The following RNF43 variants were observed in gnomAD, a reference collection of about 807,000 sequenced individuals.
RNF43 encodes ring finger protein 43, also known as E3 ubiquitin-protein ligase RNF43.
Under a neutral mutation model 78.4 loss-of-function variants are expected in RNF43, and 37 were observed. That is an observed-to-expected ratio of 0.47 (90% CI 0.36 to 0.62). RNF43 has a LOEUF of 0.62. Ranked by LOEUF, RNF43 falls within the 20% of genes least tolerant of loss-of-function variation. The pLI is 0.00. For synonymous variants in RNF43, 347 were observed against 395.0 expected (o/e 0.88, Z 1.44); for missense variants, 774 against 1,007.9 (o/e 0.77, Z 3.14).
intron 3 of RNF43, among the ~76,000 whole-genome samples, chr17:58,366,068 C>T (rs776080715): frequency 6.6e-6 from 1 of 152,202 alleles, no homozygotes; most frequent in Non-Finnish European, 1.5e-5. Flanking sequence ...GTGCCCAGGG[C>T]ACCAAGCCAT....
intron 2 of RNF43, among the ~76,000 whole-genome samples, chr17:58,383,741 C>T (rs1230513333): frequency 1.3e-5 from 2 of 152,228 alleles, no homozygotes; most frequent in Admixed American, 1.3e-4. Flanking sequence ...CCTCAGCCTC[C>T]TGAGTAGCTG....
At chr17:58,405,311 T>A (rs1456540565) in intron 2 of RNF43, among the ~76,000 whole-genome samples, 1 of 151,930 alleles carries the variant, frequency 6.6e-6, no homozygotes, top group Non-Finnish European at 1.5e-5. Flanking sequence ...TCTCCTGACC[T>A]CGTGATCCAC....
chr17:58,374,925 G>C (rs1408272408), intron 2 of RNF43, among the ~76,000 whole-genome samples: 1 of 152,090 alleles, frequency 6.6e-6, no homozygotes, highest in Non-Finnish European at 1.5e-5. Flanking sequence ...AGTGTTTGCT[G>C]TCTCTGGGAT....
At chr17:58,405,259 A>T (rs1458347704) in intron 2 of RNF43, among the ~76,000 whole-genome samples, 1 of 151,276 alleles carries the variant, frequency 6.6e-6, no homozygotes, top group Non-Finnish European at 1.5e-5. Context: ...TTGTATTTTT[A>T]GTAGAGACGG....
Position 58,354,024 on chromosome 17 carries a change from T to C in RNF43, c.*919A>G, listed in dbSNP as rs959064791. ...GGCTTATACTGGGGAGCTGGGCCTC[T>C]GGGCTGTCCAAACCCAAGGGTCACA... On this transcript the variant is annotated 3_prime_UTR_variant, in exon 10 of 10. Transcript: ENST00000407977. 2.6e-5 allele frequency: 5 copies of C among 190,362 alleles called. No homozygotes were observed. Among genetic ancestry groups the C allele is most frequent in the African/African-American group, 1.2e-4 (5 of 42,878 alleles). 11.8% of individuals were successfully genotyped at this position (190,362 alleles called of 1,614,324 possible). A position where few individuals can be genotyped will look rare whatever the true frequency, so the allele number is the denominator to read the frequency against.
chr17:58,370,763 T>A, intron 3 of RNF43, 148 bp downstream of exon 3: 1 of 907,630 alleles, frequency 1.1e-6, no homozygotes, highest in South Asian at 3.6e-5. Flanking sequence ...GAATTTCCAC[T>A]TCTCTCAGAC....
chr17:58,377,126 G>A (rs1423437233), intron 2 of RNF43, among the ~76,000 whole-genome samples: 1 of 152,076 alleles, frequency 6.6e-6, no homozygotes, highest in African/African-American at 2.4e-5. Context: ...ATTTACCTGT[G>A]TGACCTTGGG....
At chr17:58,404,205 CCAAA>C (rs1286033573) in intron 2 of RNF43, among the ~76,000 whole-genome samples, 4 of 152,062 alleles carry the variant, frequency 2.6e-5, no homozygotes, top group African/African-American at 9.7e-5. Flanking sequence ...CTATCACCTA[CCAAA>C]CAAATTTTGT....
At chr17:58,373,780 T>C (rs1973149074) in intron 2 of RNF43, among the ~76,000 whole-genome samples, 1 of 152,230 alleles carries the variant, frequency 6.6e-6, no homozygotes, top group African/African-American at 2.4e-5. Flanking sequence ...TTTAACTTTT[T>C]TTTTAAAACC....
intron 2 of RNF43, among the ~76,000 whole-genome samples, chr17:58,379,518 C>A (rs1305498884): frequency 2.0e-5 from 3 of 152,196 alleles, no homozygotes; most frequent in African/African-American, 7.2e-5. Context: ...ATTTTCCTTA[C>A]TCCTTCACCC....
At position 58,383,365 on chromosome 17, in the gene RNF43, C is replaced by G. The variant is rs532840019; in HGVS notation, c.253-12332G>C. 4.6e-5 allele frequency among the ~76,000 whole-genome samples: 7 copies of G among 152,246 alleles called. No homozygotes were observed. In the East Asian group the frequency reaches 1.3e-3, roughly 29 times the overall value. The stretch of plus-strand genomic sequence containing the variant: ...AGTGTGGTGGTGTAATCATAGCTCA[C>G]TGGTGCCTCGACCTCCCAGGCCCAA... On this transcript the variant is annotated intron_variant, in intron 2 of 9. Transcript: ENST00000407977.
Position 58,357,666 on chromosome 17 carries a change from G to C in RNF43, c.2110C>G (p.Pro704Ala), listed in dbSNP as rs1598125837. ...GGTAGCAGCCTCTTGTCCAGGCCTG[G>C]AGGTCCACAGATCAAGGGGTGTGCC... ...PEAHPLICGP[P>A]GLDKRLLPET... Residue 704 changes from proline to alanine, a missense_variant, in exon 9 of 10, where the codon CCA (proline) becomes GCA (alanine). Physicochemically the swap from Pro to Ala is conservative, Grantham distance 27. Transcript: ENST00000407977. The surrounding 1 kb of genome is among the most constrained non-coding windows in gnomAD (Gnocchi z 4.5). 7 of 1,613,500 alleles carry C rather than the reference G, an allele frequency of 4.3e-6. No homozygotes were observed. In the East Asian group the frequency reaches 1.6e-4, roughly 36 times the overall value.
At position 58,358,122 on chromosome 17, in the gene RNF43, G is replaced by A. The variant is rs746033324; in HGVS notation, c.1654C>T (p.Arg552Cys). ...TTTTTGTAGTGGTGGTGCCGGTGGCGGTGGTAGTGGACATGGCTGGAAACC... is the reference window on the plus strand; with the variant it reads ...TTTTTGTAGTGGTGGTGCCGGTGGCAGTGGTAGTGGACATGGCTGGAAACC... ...TQVSSHVHYH[R>C]HRHHHYKKRF... is the part of the protein sequence containing the mutation. Residue 552 changes from arginine (R) to cysteine (C), a missense_variant, in exon 9 of 10, where the codon CGC becomes TGC. Physicochemically the swap from Arg to Cys is radical, Grantham distance 180. Coordinates refer to ENST00000407977, the MANE Select transcript of RNF43 (RefSeq NM_017763.6). The surrounding 1 kb of genome is among the most constrained non-coding windows in gnomAD (Gnocchi z 6.2). 1.1e-5 allele frequency: 18 copies of A among 1,612,992 alleles called. No individual in the cohort carries two copies. The Middle Eastern group carries it at 6.6e-4, about 59-fold the overall frequency.
At chr17:58,401,375 T>C (rs866145590) in intron 2 of RNF43, among the ~76,000 whole-genome samples, 1 of 152,230 alleles carries the variant, frequency 6.6e-6, no homozygotes, top group Non-Finnish European at 1.5e-5. Context: ...ACCCACTGTT[T>C]GGGTGCCAAG....
chr17:58,387,438 G>T (rs1973461274), intron 2 of RNF43, among the ~76,000 whole-genome samples: 1 of 152,096 alleles, frequency 6.6e-6, no homozygotes, highest in African/African-American at 2.4e-5. Flanking sequence ...ATCACTTGAG[G>T]TCAGAAGTTC....
At chr17:58,371,113 T>C in intron 2 of RNF43, 80 bp from the exon 3 acceptor site, 1 of 1,362,778 alleles carries the variant, frequency 7.3e-7, no homozygotes, top group Non-Finnish European at 9.8e-7. Flanking sequence ...CTCTCCATTT[T>C]TCTAGGGAGG....
chr17:58,407,456 A>G (rs1217481791), intron 2 of RNF43, among the ~76,000 whole-genome samples: 1 of 152,170 alleles, frequency 6.6e-6, no homozygotes, highest in Non-Finnish European at 1.5e-5. Flanking sequence ...TGTGCTTACA[A>G]TTTTAAAAAA....
At chr17:58,382,457 G>A (rs535141731) in intron 2 of RNF43, among the ~76,000 whole-genome samples, 27 of 152,250 alleles carry the variant, frequency 1.8e-4, no homozygotes, top group South Asian at 1.0e-3. Context: ...TATACTCCCT[G>A]TAAGTTTCAG....
At chr17:58,402,293 T>C (rs1973819593) in intron 2 of RNF43, among the ~76,000 whole-genome samples, 1 of 152,212 alleles carries the variant, frequency 6.6e-6, no homozygotes, top group Admixed American at 6.5e-5. Flanking sequence ...TACTCTGTGG[T>C]TGTGATGAAG....
Sources: allele counts gnomAD v4.1 joint callset (sites outside exome capture counted in the v4.1 genomes callset), GRCh38; gene constraint gnomAD v4.1.1; non-coding constraint Gnocchi (gnomAD v3.1); transcripts MANE v1.5; gene names NCBI Gene and HGNC (gene_info 2026-07-23, HGNC 2026-07-21).